HMGXB3: variants seen among roughly 807,000 people sequenced by gnomAD.
HMGXB3 encodes HMG-box containing 3, also known as HMG domain-containing protein 3.
A neutral mutation model predicts 121.5 loss-of-function variants in HMGXB3; 45 were observed. That is an observed-to-expected ratio of 0.37 (90% CI 0.29 to 0.47). The LOEUF (loss-of-function observed/expected upper bound fraction) is 0.47, where lower values mean the gene tolerates loss of function less well. Among genes scored for constraint, HMGXB3 ranks in the 20% least tolerant of loss-of-function variants. The pLI is 0.99. For synonymous variants in HMGXB3, 590 were observed against 624.1 expected (o/e 0.95, Z 0.81); for missense variants, 1,376 against 1,602.2 (o/e 0.86, Z 2.41).
chr5:150,012,464 AT>A (rs1755862758), intron 5 of HMGXB3, 111 bp downstream of exon 5: 1 of 756,444 alleles, frequency 1.3e-6, no homozygotes, highest in Non-Finnish European at 2.3e-6. Flanking sequence ...GACCAAGAAG[AT>A]TTCTAAAAGT....
intron 18 of HMGXB3, among the ~76,000 whole-genome samples, chr5:150,049,025 T>C (rs1756826037): frequency 6.6e-6 from 1 of 152,058 alleles, no homozygotes; most frequent in South Asian, 2.1e-4. Flanking sequence ...TCTGAAGAAA[T>C]TAGATAAGGG....
intron 17 of HMGXB3, among the ~76,000 whole-genome samples, chr5:150,048,006 C>T (rs770272553): frequency 1.3e-5 from 2 of 152,220 alleles, no homozygotes; most frequent in African/African-American, 2.4e-5. Context: ...CTCCTCCTTA[C>T]TGTGTGTGAC....
chr5:150,025,482 T>A (rs1756206755), intron 7 of HMGXB3, among the ~76,000 whole-genome samples: 1 of 148,470 alleles, frequency 6.7e-6, no homozygotes, highest in Admixed American at 6.9e-5. Flanking sequence ...TGTATGTGTG[T>A]GTGTGTATAT....
In HMGXB3 at chr5:150,048,867, A is replaced by AT. The variant is rs528563527; in HGVS notation, c.3201+188dup. 1.2e-4 allele frequency among the ~76,000 whole-genome samples: 18 copies of AT among 152,178 alleles called. No individual in the cohort carries two copies. In the South Asian group the frequency reaches 2.7e-3, roughly 23 times the overall value. The stretch of plus-strand genomic sequence containing the variant: ...GAGGGAGGCTGGGTCTTCTGTCAGT[A>AT]TTTTTTAAGCACCCTACCACATCCT... On this transcript the variant is annotated intron_variant, in intron 18 of 19. Transcript: ENST00000502717.
At chr5:150,025,923 C>T (rs544079822) in intron 7 of HMGXB3, among the ~76,000 whole-genome samples, 29 of 152,104 alleles carry the variant, frequency 1.9e-4, no homozygotes, top group African/African-American at 7.2e-5. Flanking sequence ...CTCCGCCTCC[C>T]GGGTCCATGC....
At chr5:150,020,549 T>G (rs947418951) in intron 6 of HMGXB3, among the ~76,000 whole-genome samples, 3 of 152,188 alleles carry the variant, frequency 2.0e-5, no homozygotes, top group Non-Finnish European at 2.9e-5. Context: ...TGTGTGGCTT[T>G]CTTTTTCATT....
chr5:150,045,159 G>T (rs563118952), intron 15 of HMGXB3, among the ~76,000 whole-genome samples: 1 of 152,280 alleles, frequency 6.6e-6, no homozygotes, highest in East Asian at 1.9e-4. Context: ...GCACATAACA[G>T]GTACTCAAAT....
At chr5:150,013,462 T>C (rs981831533) in intron 5 of HMGXB3, among the ~76,000 whole-genome samples, 1 of 152,238 alleles carries the variant, frequency 6.6e-6, no homozygotes, top group Non-Finnish European at 1.5e-5. Flanking sequence ...TCATAGATTG[T>C]TGGATTTCAT....
Position 150,010,608 on chromosome 5 carries a change from G to T in HMGXB3, c.810G>T (p.Arg270Ser). The change falls in exon 4 of 20, where the codon AGG (arginine) becomes AGT (serine). Residue 270 changes from arginine to serine, a missense_variant and splice_region_variant. Physicochemically the swap from Arg to Ser is moderately radical, Grantham distance 110. Transcript: ENST00000502717. ...GESVSVVTVM[R>S]DSSESSSSAP... ...GTGTATCAGTGGTAACAGTCATGAG[G>T]GTAAGTGGCTTTGGTACTGAAGTCT... 1.3e-6 allele frequency: 2 copies of T among 1,548,638 alleles called. No individual in the cohort carries two copies. The highest frequency in any genetic ancestry group is 1.7e-6 in the Non-Finnish European group (2 of 1,145,502).
intron 3 of HMGXB3, among the ~76,000 whole-genome samples, chr5:150,009,670 A>C (rs930037461): frequency 1.3e-5 from 2 of 152,178 alleles, no homozygotes; most frequent in East Asian, 3.8e-4. Flanking sequence ...TAATGTTTGA[A>C]TCTTATGCTG....
intron 7 of HMGXB3, among the ~76,000 whole-genome samples, chr5:150,026,073 A>G (rs751118875): frequency 4.0e-5 from 6 of 149,224 alleles, no homozygotes; most frequent in Admixed American, 1.3e-4. Flanking sequence ...CTTGTGATCC[A>G]CCCGCCTTGG....
At chr5:150,049,236 G>C (rs1240674871) in intron 18 of HMGXB3, among the ~76,000 whole-genome samples, 3 of 152,212 alleles carry the variant, frequency 2.0e-5, no homozygotes, top group Non-Finnish European at 4.4e-5. Flanking sequence ...AGATCACATA[G>C]AGCTCTCTAG....
At chr5:150,043,029 A>G (rs1399181924) in intron 15 of HMGXB3, among the ~76,000 whole-genome samples, 1 of 152,246 alleles carries the variant, frequency 6.6e-6, no homozygotes, top group Non-Finnish European at 1.5e-5. Flanking sequence ...ACAGTAATGC[A>G]TCATGACAAA....
intron 3 of HMGXB3, 36 bp downstream of exon 3, chr5:150,006,683 G>T: frequency 6.5e-7 from 1 of 1,535,982 alleles, no homozygotes; most frequent in South Asian, 1.2e-5. Flanking sequence ...TTTTTCCACT[G>T]GTTCAGTGAT....
At chr5:150,037,020 T>C (rs1756516936) in intron 12 of HMGXB3, 83 bp downstream of exon 12, 3 of 1,203,866 alleles carry the variant, frequency 2.5e-6, no homozygotes, top group South Asian at 1.6e-5. Flanking sequence ...ATTAAAACTA[T>C]AACTGTGAAG....
chr5:150,039,923 C>CTT (rs1290492377), intron 13 of HMGXB3, among the ~76,000 whole-genome samples: 3 of 152,216 alleles, frequency 2.0e-5, no homozygotes, highest in Non-Finnish European at 4.4e-5. Context: ...AAATCACCCA[C>CTT]TTTTATTTGT....
intron 1 of HMGXB3, among the ~76,000 whole-genome samples, chr5:150,001,764 G>A (rs1755575759): frequency 1.3e-5 from 2 of 152,140 alleles, no homozygotes; most frequent in African/African-American, 2.4e-5. Context: ...AAACAAAACC[G>A]TAGGGTGTTG....
At position 150,006,454 on chromosome 5, in the gene HMGXB3, G is replaced by T; in HGVS notation, c.138-19G>T. The stretch of plus-strand genomic sequence containing the variant: ...ATTGCCATTACTGGGAAAGCCTGAA[G>T]AAGTCATTGCTTCCTCAGGTCTGCT... On this transcript the variant is annotated intron_variant, in intron 2 of 19. Coordinates refer to ENST00000502717, the MANE Select transcript of HMGXB3 (RefSeq NM_014983.3). 6.5e-7 allele frequency: 1 copy of T among 1,544,040 alleles called. No homozygotes were observed. Among genetic ancestry groups the T allele is most frequent in the African/African-American group, 1.4e-5 (1 of 72,962 alleles).
intron 2 of HMGXB3, among the ~76,000 whole-genome samples, chr5:150,005,598 CAAAAAA>C (rs760181326): frequency 4.9e-5 from 4 of 82,044 alleles, no homozygotes; most frequent in African/African-American, 1.7e-4. Context: ...AAACTCCTCT[CAAAAAA>C]AAAAAAAAAA....
Sources: allele counts gnomAD v4.1 joint callset (sites outside exome capture counted in the v4.1 genomes callset), GRCh38; gene constraint gnomAD v4.1.1; transcripts MANE v1.5; gene names NCBI Gene and HGNC (gene_info 2026-07-23, HGNC 2026-07-21).